HEATR5B: variants seen among roughly 807,000 people sequenced by gnomAD.
HEATR5B encodes HEAT repeat-containing protein 5B.
A neutral mutation model predicts 224.1 loss-of-function variants in HEATR5B; 156 were observed. The ratio of observed to expected loss-of-function variants is 0.70; its 90% confidence interval spans 0.61 to 0.80. HEATR5B has a LOEUF of 0.80. HEATR5B is among the 30% of genes least tolerant of loss of function. The probability of loss-of-function intolerance (pLI) is 0.00; values close to 1 mark genes in which losing one functional copy is unlikely to be tolerated. For synonymous variants in HEATR5B, 1,027 were observed against 893.0 expected (o/e 1.15, Z -2.68); for missense variants, 2,323 against 2,535.5 (o/e 0.92, Z 1.80).
chr2:36,993,828 G>T (rs892149958), intron 33 of HEATR5B, among the ~76,000 whole-genome samples: 4 of 148,888 alleles, frequency 2.7e-5, no homozygotes, highest in Non-Finnish European at 4.5e-5. Context: ...AACCTGAGAG[G>T]AAAAAAAAAA....
Position 37,028,791 on chromosome 2 carries a change from T to C in HEATR5B, c.3491A>G (p.Lys1164Arg). 6.2e-7 allele frequency: 1 copy of C among 1,614,108 alleles called. No homozygotes were observed. Among genetic ancestry groups the C allele is most frequent in the South Asian group, 1.1e-5 (1 of 91,082 alleles). ...FGMLDRETDRKLCSDIHDTLG... is the reference protein window; with the variant it reads ...FGMLDRETDRRLCSDIHDTLG... ...AGTGTCATGAATATCAGAACATAATTTTCGATCTGTCTCCCGGTCTAGCAT... is the reference window on the plus strand; with the variant it reads ...AGTGTCATGAATATCAGAACATAATCTTCGATCTGTCTCCCGGTCTAGCAT... Residue 1164 changes from lysine (K) to arginine (R), a missense_variant, in exon 23 of 36, where the codon AAA becomes AGA. Lys to Arg is a conservative substitution (Grantham distance 26). Transcript: ENST00000233099.
chr2:37,040,578 G>A, intron 19 of HEATR5B, 60 bp from the exon 20 acceptor site: 2 of 1,297,788 alleles, frequency 1.5e-6, no homozygotes, highest in East Asian at 2.4e-5. Context: ...ACTGAATTGA[G>A]TATACTGAAT....
chr2:36,985,464 T>G (rs1420329640), intron 35 of HEATR5B, among the ~76,000 whole-genome samples: 1 of 148,748 alleles, frequency 6.7e-6, no homozygotes, highest in Non-Finnish European at 1.5e-5. Flanking sequence ...TTTGGTTTTT[T>G]TTTTTTTTTT....
chr2:36,983,257 G>A (rs1459763326), intron 35 of HEATR5B, among the ~76,000 whole-genome samples: 2 of 151,846 alleles, frequency 1.3e-5, no homozygotes, highest in South Asian at 2.1e-4. Context: ...GGGTAGGCGC[G>A]GTGGGCTCAT....
intron 26 of HEATR5B, 49 bp from the exon 27 acceptor site, chr2:37,014,069 T>TAA: frequency 9.2e-7 from 1 of 1,088,426 alleles, no homozygotes; most frequent in Non-Finnish European, 1.3e-6. Flanking sequence ...ATTAATGCTG[T>TAA]ATAAGAAAAT....
chr2:37,001,473 G>C (rs1178813735), intron 32 of HEATR5B, among the ~76,000 whole-genome samples: 2 of 152,034 alleles, frequency 1.3e-5, no homozygotes, highest in African/African-American at 4.8e-5. Flanking sequence ...TCTTCCGTGA[G>C]TTGAGCTGAA....
At chr2:37,069,734 T>C (rs1187852330) in intron 7 of HEATR5B, among the ~76,000 whole-genome samples, 1 of 152,158 alleles carries the variant, frequency 6.6e-6, no homozygotes, top group South Asian at 2.1e-4. Context: ...TATTATTAAA[T>C]ATCTACCGAA....
At chr2:37,017,362 C>T (rs763042289) in intron 26 of HEATR5B, among the ~76,000 whole-genome samples, 2 of 122,198 alleles carry the variant, frequency 1.6e-5, no homozygotes, top group Non-Finnish European at 3.3e-5. Context: ...CACTGCACTA[C>T]AGCCTGGGCA....
intron 21 of HEATR5B, among the ~76,000 whole-genome samples, chr2:37,033,083 G>C (rs1384037065): frequency 6.6e-6 from 1 of 151,716 alleles, no homozygotes; most frequent in South Asian, 2.1e-4. Context: ...TTTTCACCAC[G>C]TTGGCCAGGC....
At chr2:37,068,979 A>G in intron 7 of HEATR5B, 49 bp from the exon 8 acceptor site, 1 of 1,547,478 alleles carries the variant, frequency 6.5e-7, no homozygotes, top group Non-Finnish European at 8.8e-7. Flanking sequence ...ATAACTGAAC[A>G]GAAATCAAAG....
intron 27 of HEATR5B, among the ~76,000 whole-genome samples, chr2:37,012,956 C>T (rs1161474570): frequency 6.6e-6 from 1 of 152,222 alleles, no homozygotes; most frequent in South Asian, 2.1e-4. Context: ...CCCTTTGGTA[C>T]ATCTACTTGT....
intron 17 of HEATR5B, among the ~76,000 whole-genome samples, chr2:37,053,231 A>G (rs1572896112): frequency 6.6e-6 from 1 of 152,368 alleles, no homozygotes; most frequent in African/African-American, 2.4e-5. Flanking sequence ...TCATTCGTCA[A>G]ACATCTTTGA....
intron 16 of HEATR5B, among the ~76,000 whole-genome samples, chr2:37,055,282 TTTA>T (rs950252276): frequency 1.4e-5 from 2 of 141,798 alleles, no homozygotes; most frequent in Admixed American, 6.9e-5. Context: ...ATTTATGTTA[TTTA>T]TTATATGTTT....
At chr2:37,007,898 G>A (rs1312948876) in intron 28 of HEATR5B, among the ~76,000 whole-genome samples, 4 of 152,046 alleles carry the variant, frequency 2.6e-5, no homozygotes, top group Admixed American at 6.5e-5. Context: ...CTTCATTGTT[G>A]CCAGTGGCTC....
chr2:37,031,122 C>A (rs553234292), intron 22 of HEATR5B, among the ~76,000 whole-genome samples: 1 of 152,176 alleles, frequency 6.6e-6, no homozygotes, highest in Non-Finnish European at 1.5e-5. Flanking sequence ...TGCTGGGTTG[C>A]GATCTCTATG....
At chr2:37,049,554 A>G (rs1670407298) in intron 18 of HEATR5B, 99 bp downstream of exon 18, 1 of 1,028,236 alleles carries the variant, frequency 9.7e-7, no homozygotes, top group East Asian at 2.5e-5. Flanking sequence ...ATATTATCAC[A>G]TGCTGTATAC....
In HEATR5B at chr2:37,026,033, G is replaced by A. The variant is rs189712549; in HGVS notation, c.3853+1890C>T. Among the ~76,000 whole-genome samples the A allele has an allele frequency of 4.3e-4, 66 of 152,236 alleles. No individual in the cohort carries two copies. In the East Asian group the frequency reaches 0.011, roughly 25 times the overall value. On this transcript the variant is annotated intron_variant, in intron 24 of 35. Coordinates refer to ENST00000233099, the MANE Select transcript of HEATR5B (RefSeq NM_019024.3). Reference sequence around the variant, plus strand: ...ACTTTGCAGATGTGATTAAGGTTATGGAGTCTAAAACATGGAGACTGGCCT... The same window carrying A: ...ACTTTGCAGATGTGATTAAGGTTATAGAGTCTAAAACATGGAGACTGGCCT...
At chr2:37,019,929 G>A (rs1255163362) in intron 25 of HEATR5B, 52 bp from the exon 26 acceptor site, 15 of 1,299,976 alleles carry the variant, frequency 1.2e-5, no homozygotes, top group East Asian at 2.4e-5. Flanking sequence ...TTTGAGACAC[G>A]GTCTTACTCT....
Position 37,072,123 on chromosome 2 carries a change from T to C in HEATR5B, c.756A>G (p.Pro252=). The C allele has an allele frequency of 6.2e-7, 1 of 1,612,738 alleles. No homozygotes were observed. Among genetic ancestry groups the C allele is most frequent in the South Asian group, 1.1e-5 (1 of 90,864 alleles). The change falls in exon 6 of 36, where the codon CCA becomes CCG. Residue 252 remains proline (P), a synonymous_variant. Transcript: ENST00000233099. ...AAACAACAATACCTGTTGCCTGTTTTGGCATTAATGCTGTGGCCATGACTG... is the reference window on the plus strand; with the variant it reads ...AAACAACAATACCTGTTGCCTGTTTCGGCATTAATGCTGTGGCCATGACTG... ...LGTVMATALM[P]KQATVMRQNV...
Sources: allele counts gnomAD v4.1 joint callset (sites outside exome capture counted in the v4.1 genomes callset), GRCh38; gene constraint gnomAD v4.1.1; transcripts MANE v1.5; gene names NCBI Gene and HGNC (gene_info 2026-07-23, HGNC 2026-07-21).